Variants in ACSF3 observed in about 807,000 individuals in gnomAD.
The protein encoded by ACSF3 is malonate--CoA ligase ACSF3, mitochondrial.
A neutral mutation model predicts 53.2 loss-of-function variants in ACSF3; 78 were observed. That is an observed-to-expected ratio of 1.47 (90% CI 1.22 to 1.77). ACSF3 has a LOEUF of 1.77. ACSF3 is among the 40% of genes most tolerant of loss of function. The probability of loss-of-function intolerance (pLI) is 0.00; values close to 1 mark genes in which losing one functional copy is unlikely to be tolerated. For synonymous variants in ACSF3, 414 were observed against 333.1 expected (o/e 1.24, Z -2.65); for missense variants, 937 against 771.1 (o/e 1.22, Z -2.55).
chr16:89,116,786 C>G (rs757108681), intron 6 of ACSF3, among the ~76,000 whole-genome samples: 1 of 152,170 alleles, frequency 6.6e-6, no homozygotes, highest in Non-Finnish European at 1.5e-5. Flanking sequence ...GGCCGGCTCC[C>G]GCGTTAGTCT....
At position 89,154,082 on chromosome 16, in the gene ACSF3, C is replaced by G. The variant is rs375091095; in HGVS notation, c.1614-8C>G. On this transcript the variant is annotated splice_polypyrimidine_tract_variant and splice_region_variant and intron_variant, in intron 10 of 10. Transcript: ENST00000614302. Reference sequence around the variant, plus strand: ...GCAGTGCGCCTCAGGCTGTGCTTGTCTCTGCAGAAATGTCCTGGCCCCGTA... The same window carrying G: ...GCAGTGCGCCTCAGGCTGTGCTTGTGTCTGCAGAAATGTCCTGGCCCCGTA... 1.2e-5 allele frequency: 19 copies of G among 1,611,990 alleles called. No homozygotes were observed. Among genetic ancestry groups the G allele is most frequent in the Non-Finnish European group, 1.5e-5 (18 of 1,179,348 alleles).
At position 89,137,575 on chromosome 16, in the gene ACSF3, C is replaced by G. The variant is rs184020899; in HGVS notation, c.1366+4313C>G. 9.8e-5 allele frequency among the ~76,000 whole-genome samples: 14 copies of G among 143,250 alleles called. 1 individual carries two copies. Among genetic ancestry groups the G allele is most frequent in the African/African-American group, 3.6e-4 (14 of 38,372 alleles). The allele number at this position is 143,250 out of a possible 152,430, so 94.0% of individuals were successfully genotyped here. Reference sequence around the variant, plus strand: ...AGAGCCCCAGGTCTCGGGAGGACCACCAGGAGCTCGTGGGGAAGGATTGAG... The same window carrying G: ...AGAGCCCCAGGTCTCGGGAGGACCAGCAGGAGCTCGTGGGGAAGGATTGAG... On this transcript the variant is annotated intron_variant, in intron 8 of 10. Transcript: ENST00000614302.
intron 2 of ACSF3, 159 bp from the exon 3 acceptor site, chr16:89,100,503 T>C (rs1222292367): frequency 2.9e-6 from 2 of 695,432 alleles, no homozygotes; most frequent in Non-Finnish European, 2.4e-6. Context: ...GCAGTGTGGG[T>C]GAGAAAGGCT....
chr16:89,156,061 A>G lies in ACSF3; in HGVS notation c.*1854A>G, dbSNP rs1914670937. 3.3e-5 allele frequency among the ~76,000 whole-genome samples: 5 copies of G among 152,122 alleles called. No individual in the cohort carries two copies. Among genetic ancestry groups the G allele is most frequent in the Admixed American group, 3.3e-4 (5 of 15,264 alleles). On this transcript the variant is annotated 3_prime_UTR_variant, in exon 11 of 11. Transcript: ENST00000614302. ...CGGTTGAATGCCGTGTTCTAAAGTC[A>G]CGAGTGACTCTCCAGCTGGTCCCTG...
Position 89,153,923 on chromosome 16 carries a change from C to T in ACSF3, c.1614-167C>T, listed in dbSNP as rs931624396. The stretch of plus-strand genomic sequence containing the variant: ...AGTCACCACCCCTGGGCTGCTAGGG[C>T]AGAGACAGCTGCGGTGGCCCGGTGC... On this transcript the variant is annotated intron_variant, in intron 10 of 10. Transcript: ENST00000614302. 13 of 675,340 alleles carry T rather than the reference C, an allele frequency of 1.9e-5. No homozygotes were observed. The African/African-American group carries it at 2.1e-4, about 11-fold the overall frequency. The allele number at this position is 675,340 out of a possible 1,614,324, so 41.8% of individuals were successfully genotyped here.
rs2151407600 is a variant in ACSF3 at position 89,101,076 on chromosome 16, C to A, written c.395C>A (p.Ala132Asp). 1 of 1,614,086 alleles carries A rather than the reference C, an allele frequency of 6.2e-7. No individual in the cohort carries two copies. Among genetic ancestry groups the A allele is most frequent in the Non-Finnish European group, 8.5e-7 (1 of 1,179,992 alleles). The part of the protein sequence containing the change: ...AVPLYRKHPA[A>D]QLEYVICDSQ... ...CCCCTCTACAGGAAGCATCCCGCGG[C>A]CCAGCTGGAGTATGTCATCTGCGAC... The change falls in exon 3 of 11, where the codon GCC becomes GAC. Residue 132 changes from alanine to aspartate, a missense_variant. Transcript: ENST00000614302.
At chr16:89,115,034 A>G (rs1244421726) in intron 6 of ACSF3, 1 of 229,354 alleles carries the variant, frequency 4.4e-6, no homozygotes, top group Non-Finnish European at 8.9e-6. Context: ...ATCTGACCCA[A>G]CCATTTGAGC....
chr16:89,141,167 G>A (rs1002300342), intron 8 of ACSF3: 17 of 1,287,126 alleles, frequency 1.3e-5, no homozygotes, highest in Admixed American at 6.9e-5. Flanking sequence ...GCTTGGCTGA[G>A]ACTTTGTTTA....
intron 8 of ACSF3, 147 bp downstream of exon 8, chr16:89,133,409 C>T: frequency 1.8e-6 from 2 of 1,137,708 alleles, no homozygotes; most frequent in African/African-American, 1.5e-5. Context: ...CTGGGGGCCA[C>T]TGTTACGGCA....
intron 1 of ACSF3, chr16:89,095,184 C>T (rs1474171034): frequency 6.6e-6 from 1 of 152,212 alleles, no homozygotes; most frequent in Non-Finnish European, 1.5e-5. Flanking sequence ...AGGCTGGTGT[C>T]CTCTCCGCAG....
At chr16:89,127,954 T>G (rs1018212805) in intron 7 of ACSF3, among the ~76,000 whole-genome samples, 17 of 152,172 alleles carry the variant, frequency 1.1e-4, no homozygotes, top group African/African-American at 3.4e-4. Flanking sequence ...TTGTGTCTTC[T>G]GTTTCTTTTT....
chr16:89,138,931 G>A (rs1911163787), intron 8 of ACSF3, among the ~76,000 whole-genome samples: 1 of 152,262 alleles, frequency 6.6e-6, no homozygotes, highest in African/African-American at 2.4e-5. Flanking sequence ...AGCAGTTTGA[G>A]AAGAAGAATC....
Position 89,143,109 on chromosome 16 carries a change from T to C in ACSF3, c.1367-2158T>C, listed in dbSNP as rs558437802. ...CTTATAAAAAAGATTCGCAGGAAAT[T>C]AGAAATAACACACAGGGGTTCCTTG... On this transcript the variant is annotated intron_variant, in intron 8 of 10. Coordinates refer to ENST00000614302, the MANE Select transcript of ACSF3 (RefSeq NM_001243279.3). Among the ~76,000 whole-genome samples, 600 of 152,248 alleles carry C rather than the reference T, an allele frequency of 3.9e-3. 3 individuals carry two copies. The highest frequency in any genetic ancestry group is 0.013 in the African/African-American group (560 of 41,530).
At chr16:89,124,820 C>T (rs1034283169) in intron 7 of ACSF3, among the ~76,000 whole-genome samples, 2 of 152,226 alleles carry the variant, frequency 1.3e-5, no homozygotes, top group Admixed American at 6.5e-5. Flanking sequence ...AAAGACTACC[C>T]TTTCTGCATT....
intron 7 of ACSF3, among the ~76,000 whole-genome samples, chr16:89,130,782 G>A (rs1421657556): frequency 6.6e-6 from 1 of 151,988 alleles, no homozygotes; most frequent in Non-Finnish European, 1.5e-5. Context: ...CAAATTTTGG[G>A]TTTTTAGCCA....
chr16:89,122,313 C>T (rs2043834111), intron 7 of ACSF3: 4 of 355,886 alleles, frequency 1.1e-5, no homozygotes, highest in South Asian at 4.1e-5. Flanking sequence ...CATGGGGCAA[C>T]TTGCTGAAAC....
chr16:89,133,451 C>T (rs1275180460), intron 8 of ACSF3, among the ~76,000 whole-genome samples, 189 bp downstream of exon 8: 2 of 152,200 alleles, frequency 1.3e-5, no homozygotes, highest in East Asian at 3.8e-4. Context: ...TCCCCACCGG[C>T]TTCTAGAGTG....
At chr16:89,102,563 A>G (rs150897718) in intron 3 of ACSF3, 41 bp from the exon 4 acceptor site, 96 of 1,611,224 alleles carry the variant, frequency 6.0e-5, no homozygotes, top group African/African-American at 1.1e-4. Flanking sequence ...TGCGGGCCAC[A>G]GTCTTGCTCT....
At position 89,102,315 on chromosome 16, in the gene ACSF3, C is replaced by T. The variant is rs71387680; in HGVS notation, c.667-289C>T. On this transcript the variant is annotated intron_variant, in intron 3 of 10. Transcript: ENST00000614302. ...GGCTTGGGCAGGGGCGGAGCTCTGTCGACCTGGTGTCTGCAGAGCCACTCC... is the reference window on the plus strand; with the variant it reads ...GGCTTGGGCAGGGGCGGAGCTCTGTTGACCTGGTGTCTGCAGAGCCACTCC... 0.091 allele frequency: 42,756 copies of T among 470,072 alleles called. 2,436 individuals are homozygous for T. Among genetic ancestry groups the T allele is most frequent in the African/African-American group, 0.2 (10,249 of 50,774 alleles). The allele number at this position is 470,072 out of a possible 1,614,324, so 29.1% of individuals were successfully genotyped here.
Sources: allele counts gnomAD v4.1 joint callset (sites outside exome capture counted in the v4.1 genomes callset), GRCh38; gene constraint gnomAD v4.1.1; transcripts MANE v1.5; gene names NCBI Gene and HGNC (gene_info 2026-07-23, HGNC 2026-07-21).